Variants in ODF2 observed in about 807,000 individuals in gnomAD.
ODF2 encodes the protein outer dense fiber of sperm tails 2.
In ODF2, 47 loss-of-function variants were observed where a neutral mutation model predicts 110.2. That is an observed-to-expected ratio of 0.43 (90% CI 0.34 to 0.54). The LOEUF (loss-of-function observed/expected upper bound fraction) is 0.54, where lower values mean the gene tolerates loss of function less well. Among genes scored for constraint, ODF2 ranks in the 20% least tolerant of loss-of-function variants. ODF2 has a pLI of 0.03. For synonymous variants in ODF2, 352 were observed against 397.7 expected, an observed-to-expected ratio of 0.89 and a Z score of 1.37; for missense variants, 812 against 1,054.5, an observed-to-expected ratio of 0.77 and a Z score of 3.19.
Position 128,479,374 on chromosome 9 carries a change from G to A in ODF2, c.844-2206G>A, listed in dbSNP as rs148672610. Among the ~76,000 whole-genome samples the A allele has an allele frequency of 9.7e-3, 1,471 of 152,284 alleles. 31 individuals are homozygous for A. The highest frequency in any genetic ancestry group is 0.073 in the East Asian group (378 of 5,170). On this transcript the variant is annotated intron_variant, in intron 8 of 20. Transcript: ENST00000604420. ...GGAGCAGGAAGTTCAGGCAAGAGGAGACCCAAATGGCTCATATGAGAGGAT... is the reference window on the plus strand; with the variant it reads ...GGAGCAGGAAGTTCAGGCAAGAGGAAACCCAAATGGCTCATATGAGAGGAT...
chr9:128,473,516 C>G (rs1840544188), intron 7 of ODF2, 94 bp from the exon 8 acceptor site: 1 of 1,557,052 alleles, frequency 6.4e-7, no homozygotes, highest in African/African-American at 1.4e-5. Flanking sequence ...TTCTCCTTGT[C>G]TGGGCTTTCT....
At chr9:128,457,444 C>G (rs370902426) in intron 2 of ODF2, 2 of 1,608,994 alleles carry the variant, frequency 1.2e-6, no homozygotes, top group South Asian at 2.2e-5. Context: ...CCAGGTATTG[C>G]CGATGTGGGA....
intron 18 of ODF2, chr9:128,497,651 A>T (rs1564533714): frequency 6.6e-6 from 1 of 151,228 alleles, no homozygotes; most frequent in African/African-American, 2.4e-5. Flanking sequence ...CTCAAAAAAA[A>T]AGAGGTGGGC....
chr9:128,496,423 C>CTTT, intron 18 of ODF2: 2 of 1,058,748 alleles, frequency 1.9e-6, no homozygotes, highest in Non-Finnish European at 2.5e-6. Context: ...CCAGGCCTGC[C>CTTT]AGGAGGGCCC....
intron 2 of ODF2, among the ~76,000 whole-genome samples, chr9:128,458,158 C>T (rs1048986096): frequency 2.0e-5 from 3 of 152,112 alleles, no homozygotes; most frequent in Admixed American, 2.0e-4. Flanking sequence ...TGATCTCCCC[C>T]CACTTTGGGG....
chr9:128,461,236 T>G (rs1836367766), intron 4 of ODF2, 169 bp downstream of exon 4: 1 of 816,994 alleles, frequency 1.2e-6, no homozygotes, highest in African/African-American at 1.7e-5. Context: ...TGAGTTCTTA[T>G]GATACTGCTG....
intron 1 of ODF2, chr9:128,457,148 C>G (rs542928265): frequency 8.1e-6 from 12 of 1,483,274 alleles, no homozygotes; most frequent in Non-Finnish European, 9.9e-6. Context: ...CCCTTCCTCC[C>G]CTCTGCCCCC....
intron 4 of ODF2, among the ~76,000 whole-genome samples, chr9:128,464,887 G>A (rs1837426171): frequency 1.0e-5 from 1 of 96,760 alleles, no homozygotes; most frequent in African/African-American, 4.1e-5. Context: ...TAGAGACGGG[G>A]TTTCACCGTT....
At chr9:128,488,662 A>C (rs1282227144) in intron 14 of ODF2, among the ~76,000 whole-genome samples, 1 of 152,190 alleles carries the variant, frequency 6.6e-6, no homozygotes, top group Non-Finnish European at 1.5e-5. Flanking sequence ...CACAGGCATT[A>C]ATTCTCACTT....
intron 19 of ODF2, among the ~76,000 whole-genome samples, 180 bp downstream of exon 19, chr9:128,498,755 C>T (rs1326147373): frequency 6.6e-6 from 1 of 152,220 alleles, no homozygotes. Context: ...TGCTCATTTA[C>T]TCACTACCCT....
upstream of ODF2, among the ~76,000 whole-genome samples, chr9:128,455,553 C>CAAA (rs55634490): frequency 1.8e-5 from 1 of 56,848 alleles, no homozygotes; most frequent in Non-Finnish European, 3.1e-5. Context: ...GAATCTGTCT[C>CAAA]AAAAAAAAAA....
upstream of ODF2, chr9:128,455,329 A>C (rs1377099120): frequency 9.9e-7 from 1 of 1,011,412 alleles, no homozygotes; most frequent in African/African-American, 1.6e-5. Flanking sequence ...AGGCGGGTGG[A>C]TCATGAGGTC....
At chr9:128,469,493 C>T in intron 5 of ODF2, 140 bp downstream of exon 5, 2 of 821,762 alleles carry the variant, frequency 2.4e-6, no homozygotes, top group Non-Finnish European at 2.0e-6. Flanking sequence ...CTTCAGTTGC[C>T]TGCCCCGGGA....
At position 128,463,704 on chromosome 9, in the gene ODF2, A is replaced by G. The variant is rs139681230; in HGVS notation, c.249+2637A>G. Among the ~76,000 whole-genome samples, 29 of 91,994 alleles carry G rather than the reference A, an allele frequency of 3.2e-4. No individual in the cohort carries two copies. The East Asian group carries it at 0.012, about 37-fold the overall frequency. 60.4% of individuals were successfully genotyped at this position (91,994 alleles called of 152,430 possible). ...AGAAAATGGGCGTCTGTGTCCATGT[A>G]TAAACGCATATGTTTGTATGTGCAG... On this transcript the variant is annotated intron_variant, in intron 4 of 20. Transcript: ENST00000604420.
At chr9:128,477,845 C>T (rs142699837) in intron 8 of ODF2, among the ~76,000 whole-genome samples, 1,660 of 151,862 alleles carry the variant, frequency 0.011, 23 homozygotes, top group Middle Eastern at 0.044. Flanking sequence ...GTAATCCACC[C>T]GCCTCAGCCT....
At chr9:128,460,853 G>T (rs1836261373) in intron 3 of ODF2, 89 bp from the exon 4 acceptor site, 1 of 1,567,496 alleles carries the variant, frequency 6.4e-7, no homozygotes, top group East Asian at 2.2e-5. Flanking sequence ...GTCAGAAGAG[G>T]CACTCTGCTA....
Position 128,498,551 on chromosome 9 carries a change from TGCCATTGAAGATGCGAGGA to T in ODF2, c.2153_2171del (p.Ala718GlyfsTer28). On this transcript the variant is annotated frameshift_variant, in exon 19 of 21. Coordinates refer to ENST00000604420, the Ensembl canonical transcript of ODF2. LOFTEE classifies it high-confidence loss of function. ...GGACCCTGGCAAGGCAGTTGGAGAGTGCCATTGAAGATGCGAGGAGGCAGGTCAGTCCCGATTTCATGAA... is the reference window on the plus strand; with the variant it reads ...GGACCCTGGCAAGGCAGTTGGAGAGTGGCAGGTCAGTCCCGATTTCATGAA... The T allele has an allele frequency of 1.2e-6, 2 of 1,604,446 alleles. No homozygotes were observed. The highest frequency in any genetic ancestry group is 1.7e-6 in the Non-Finnish European group (2 of 1,175,314).
chr9:128,499,180 G>T, intron 20 of ODF2, 54 bp downstream of exon 20: 1 of 1,602,790 alleles, frequency 6.2e-7, no homozygotes, highest in Admixed American at 1.7e-5. Context: ...CCTAGCTTCT[G>T]TGGGGCCTGT....
chr9:128,485,390 C>T lies in ODF2; in HGVS notation c.1316C>T (p.Ser439Phe). The T allele has an allele frequency of 1.2e-6, 2 of 1,608,316 alleles. No homozygotes were observed. Among genetic ancestry groups the T allele is most frequent in the Non-Finnish European group, 1.7e-6 (2 of 1,175,200 alleles). The change falls in exon 13 of 21, where the codon TCC becomes TTC. Residue 439 changes from serine (S) to phenylalanine (F), a missense_variant. Ser to Phe is a radical substitution (Grantham distance 155). Transcript: ENST00000604420. This position sits in a 1 kb window ranked among gnomAD's most constrained non-coding sequence, Gnocchi z 5.0. ...GATCTTTATGTCGCTGAAGCTTTAT[C>T]CACTCTGGAATCCTGGAGGAGCCGC...
Sources: allele counts gnomAD v4.1 joint callset (sites outside exome capture counted in the v4.1 genomes callset), GRCh38; gene constraint gnomAD v4.1.1; non-coding constraint Gnocchi (gnomAD v3.1); transcripts MANE v1.5; gene names NCBI Gene and HGNC (gene_info 2026-07-23, HGNC 2026-07-21).